Variants in WNT5A observed in about 807,000 individuals in gnomAD.
WNT5A encodes Wnt family member 5A, also known as protein Wnt-5a.
Under a neutral mutation model 42.1 loss-of-function variants are expected in WNT5A, and 9 were observed. The ratio of observed to expected loss-of-function variants is 0.21; its 90% CI spans 0.13 to 0.37. WNT5A has a LOEUF of 0.37. Among genes scored for constraint, WNT5A ranks in the 10% least tolerant of loss-of-function variants. WNT5A has a pLI of 1.00. For missense variants in WNT5A, 426 were observed against 534.0 expected (o/e 0.80, Z 1.99); for synonymous variants, 210 against 210.0 (o/e 1.00, Z 0.00).
chr3:55,482,385 C>G (rs1257071848), intron 1 of WNT5A, among the ~76,000 whole-genome samples: 1 of 152,184 alleles, frequency 6.6e-6, no homozygotes, highest in Non-Finnish European at 1.5e-5. Flanking sequence ...GTAAGTCTAA[C>G]CCTGCCGCAC....
the WNT5A span, among the ~76,000 whole-genome samples, chr3:55,496,627 G>T: frequency 6.6e-6 from 1 of 152,120 alleles, no homozygotes; most frequent in Non-Finnish European, 1.5e-5. Flanking sequence ...CTCCCCCTGT[G>T]GCCCTCAGTC....
rs1052997621 is a variant in WNT5A, at chr3:55,474,558, G to C, written c.463C>G (p.Arg155Gly). Residue 155 changes from arginine to glycine, a missense_variant, in exon 4 of 5, where the codon CGC becomes GGC. This residue lies in a region of WNT5A where 358 missense variants were observed against 468.1 expected (regional missense o/e 0.76). Coordinates refer to ENST00000264634, the MANE Select transcript of WNT5A (RefSeq NM_003392.7). ...GVVNAMSRAC[R>G]EGELSTCGCS... ...CCGCAGGTGGACAGCTCGCCCTCGC[G>C]GCACGCCCGGCTCATGGCGTTCACC... 6 of 1,518,244 alleles carry C rather than the reference G, an allele frequency of 4.0e-6. No individual in the cohort carries two copies. In the African/African-American group the frequency reaches 5.6e-5, roughly 14 times the overall value. 94.0% of individuals were successfully genotyped at this position (1,518,244 alleles called of 1,614,324 possible).
chr3:55,469,982 A>T lies in WNT5A; in HGVS notation c.*110T>A. 1 of 1,356,538 alleles carries T rather than the reference A, an allele frequency of 7.4e-7. No individual in the cohort carries two copies. Among genetic ancestry groups the T allele is most frequent in the Non-Finnish European group, 1.0e-6 (1 of 974,040 alleles). The allele number at this position is 1,356,538 out of a possible 1,614,324, so 84.0% of individuals were successfully genotyped here. On this transcript the variant is annotated 3_prime_UTR_variant, in exon 5 of 5. Transcript: ENST00000264634. ...CAGGAAAAAAAATGGTTCCGGTTGC[A>T]ATTCTTGGGGAAAAATAAAAAATAT...
At chr3:55,485,680 G>A (rs145723443) in intron 1 of WNT5A, among the ~76,000 whole-genome samples, 196 of 152,248 alleles carry the variant, frequency 1.3e-3, no homozygotes, top group African/African-American at 4.6e-3. Flanking sequence ...GGAGGGCAGG[G>A]GCTGAGGAGG....
At chr3:55,479,161 A>G (rs762958577) in intron 3 of WNT5A, 153 bp downstream of exon 3, 18 of 760,744 alleles carry the variant, frequency 2.4e-5, no homozygotes, top group Non-Finnish European at 3.3e-5. Context: ...AGGAATTAAC[A>G]TCATTTGCTA....
upstream of WNT5A, among the ~76,000 whole-genome samples, chr3:55,495,047 T>A (rs944748621): frequency 3.9e-5 from 6 of 152,242 alleles, no homozygotes; most frequent in Non-Finnish European, 8.8e-5. Flanking sequence ...ATAAATAAAA[T>A]TGATTTATTT....
chr3:55,503,335 G>A, the WNT5A span, among the ~76,000 whole-genome samples: 1 of 152,120 alleles, frequency 6.6e-6, no homozygotes, highest in African/African-American at 2.4e-5. Flanking sequence ...CTATTATGTG[G>A]TTGGCATTGT....
At chr3:55,502,249 T>C in the WNT5A span, among the ~76,000 whole-genome samples, 131 of 152,358 alleles carry the variant, frequency 8.6e-4, no homozygotes, top group East Asian at 6.9e-3. Flanking sequence ...CAATCTTTTT[T>C]CGACCCCTTT....
chr3:55,496,700 T>C, the WNT5A span, among the ~76,000 whole-genome samples: 6 of 152,188 alleles, frequency 3.9e-5, no homozygotes. Context: ...CCCTCTCTTG[T>C]TCAGCATGCA....
intron 4 of WNT5A, 72 bp downstream of exon 4, chr3:55,474,263 GGA>G: frequency 6.3e-7 from 1 of 1,589,742 alleles, no homozygotes; most frequent in Non-Finnish European, 8.6e-7. Context: ...GGAGCTACAG[GGA>G]GAGACCCGAG....
At chr3:55,477,565 G>A (rs2051380708) in intron 3 of WNT5A, among the ~76,000 whole-genome samples, 1 of 152,182 alleles carries the variant, frequency 6.6e-6, no homozygotes, top group Non-Finnish European at 1.5e-5. Flanking sequence ...CCGTGCAGCT[G>A]AAGACCAGAG....
At chr3:55,500,451 C>T in the WNT5A span, among the ~76,000 whole-genome samples, 1 of 152,176 alleles carries the variant, frequency 6.6e-6, no homozygotes, top group South Asian at 2.1e-4. Context: ...ATTATATTTC[C>T]TCATGACACT....
intron 1 of WNT5A, among the ~76,000 whole-genome samples, chr3:55,484,349 C>T (rs1047872309): frequency 9.2e-5 from 14 of 152,168 alleles, no homozygotes; most frequent in Admixed American, 3.3e-4. Context: ...AATGGGCCGG[C>T]CCAGGCGGGT....
At position 55,479,422 on chromosome 3, in the gene WNT5A, C is replaced by T; in HGVS notation, c.283G>A (p.Glu95Lys). 2 of 1,614,044 alleles carry T rather than the reference C, an allele frequency of 1.2e-6. No individual in the cohort carries two copies. The highest frequency in any genetic ancestry group is 1.7e-6 in the Non-Finnish European group (2 of 1,179,892). Residue 95 changes from glutamate to lysine, a missense_variant, in exon 3 of 5, where the codon GAA (glutamate) becomes AAA (lysine). This residue lies in a region of WNT5A where 358 missense variants were observed against 468.1 expected (regional missense o/e 0.76). Coordinates refer to ENST00000264634, the MANE Select transcript of WNT5A (RefSeq NM_003392.7). ...TCTTTGATGCCTGTCTTCGCGCCTTCTCCGATGTACTGCATGTGGTCCTGA... is the reference window on the plus strand; with the variant it reads ...TCTTTGATGCCTGTCTTCGCGCCTTTTCCGATGTACTGCATGTGGTCCTGA... ...LYQDHMQYIGEGAKTGIKECQ... is the reference protein window; with the variant it reads ...LYQDHMQYIGKGAKTGIKECQ...
At position 55,483,926 on chromosome 3, in the gene WNT5A, G is replaced by A. The variant is rs548956214; in HGVS notation, c.7-3008C>T. 6.6e-6 allele frequency among the ~76,000 whole-genome samples: 1 copy of A among 152,166 alleles called. No individual in the cohort carries two copies. Among genetic ancestry groups the A allele is most frequent in the Non-Finnish European group, 1.5e-5 (1 of 68,012 alleles). On this transcript the variant is annotated intron_variant, in intron 1 of 4. Coordinates refer to ENST00000264634, the MANE Select transcript of WNT5A (RefSeq NM_003392.7). The surrounding 1 kb of genome is among the most constrained non-coding windows in gnomAD (Gnocchi z 4.2). Reference sequence around the variant, plus strand: ...GGGAGCAGCCGGATGCACACCTAAAGTCTCGCAACACCCAACTCCTCCTCC... The same window carrying A: ...GGGAGCAGCCGGATGCACACCTAAAATCTCGCAACACCCAACTCCTCCTCC...
intron 3 of WNT5A, among the ~76,000 whole-genome samples, chr3:55,474,909 G>A (rs2051326692): frequency 7.5e-6 from 1 of 133,394 alleles, no homozygotes; most frequent in African/African-American, 2.8e-5. Context: ...GGGAGGTTGG[G>A]GTAGAGGGTA....
Position 55,466,698 on chromosome 3 carries a change from G to C in WNT5A, c.*3394C>G, listed in dbSNP as rs1313543379. ...TTGGGAAGATCTTGAATACGCTCCA[G>C]GATGAGAAGAAAAAATACGCTGACA... On this transcript the variant is annotated 3_prime_UTR_variant, in exon 5 of 5. Coordinates refer to ENST00000264634, the MANE Select transcript of WNT5A (RefSeq NM_003392.7). 1 of 152,494 alleles carries C rather than the reference G, an allele frequency of 6.6e-6. No homozygotes were observed. Among genetic ancestry groups the C allele is most frequent in the African/African-American group, 2.4e-5 (1 of 41,410 alleles). The allele number at this position is 152,494 out of a possible 1,614,324, so 9.4% of individuals were successfully genotyped here.
chr3:55,476,704 G>T (rs973339664), intron 3 of WNT5A, among the ~76,000 whole-genome samples: 1 of 152,312 alleles, frequency 6.6e-6, no homozygotes, highest in Middle Eastern at 3.4e-3. Context: ...GTCACTGCAG[G>T]GTAAACGTCA....
At chr3:55,489,067 A>G (rs2051626289), upstream of WNT5A, 1 of 151,916 alleles carries the variant, frequency 6.6e-6, no homozygotes, top group South Asian at 2.1e-4. Flanking sequence ...AGGTGAGGAG[A>G]TTGCGAAGTT....
Sources: allele counts gnomAD v4.1 joint callset (sites outside exome capture counted in the v4.1 genomes callset), GRCh38; gene constraint gnomAD v4.1.1; regional missense constraint gnomAD v4.1.1; non-coding constraint Gnocchi (gnomAD v3.1); transcripts MANE v1.5; gene names NCBI Gene and HGNC (gene_info 2026-07-23, HGNC 2026-07-21).